The following MACROD1 variants were observed in gnomAD, a reference collection of about 807,000 sequenced individuals.
MACROD1 encodes ADP-ribose glycohydrolase MACROD1.
A neutral mutation model predicts 41.4 loss-of-function variants in MACROD1; 31 were observed. That is an observed-to-expected ratio of 0.75 (90% CI 0.56 to 1.01). MACROD1 has a LOEUF of 1.01. MACROD1 is among the 50% of genes least tolerant of loss of function. MACROD1 has a pLI of 0.00. For synonymous variants in MACROD1, 252 were observed against 203.4 expected, an observed-to-expected ratio of 1.24 and a Z score of -2.03; for missense variants, 473 against 460.0, an observed-to-expected ratio of 1.03 and a Z score of -0.26.
intron 1 of MACROD1, among the ~76,000 whole-genome samples, chr11:64,157,954 G>C (rs1310939796): frequency 6.6e-6 from 1 of 152,180 alleles, no homozygotes; most frequent in South Asian, 2.1e-4. Context: ...GACGGAGCAC[G>C]CAGCACCTTG....
At chr11:64,153,238 G>A (rs1344855351) in intron 1 of MACROD1, among the ~76,000 whole-genome samples, 2 of 152,160 alleles carry the variant, frequency 1.3e-5, no homozygotes, top group African/African-American at 4.8e-5. Context: ...GCAGCTCACG[G>A]GCTCCCCCTG....
At chr11:64,154,052 A>G (rs1328182775) in intron 1 of MACROD1, among the ~76,000 whole-genome samples, 1 of 151,938 alleles carries the variant, frequency 6.6e-6, no homozygotes, top group East Asian at 1.9e-4. Context: ...ACCACACCCC[A>G]TGCAGCGGCC....
At chr11:64,087,370 G>A (rs532381417) in intron 3 of MACROD1, among the ~76,000 whole-genome samples, 7 of 152,206 alleles carry the variant, frequency 4.6e-5, no homozygotes, top group East Asian at 1.9e-4. Context: ...CCCCTGCCAC[G>A]GCTGTAGCCC....
chr11:64,113,375 T>TGGATGGATGGAC (rs1944895671), intron 3 of MACROD1, among the ~76,000 whole-genome samples: 1 of 152,034 alleles, frequency 6.6e-6, no homozygotes, highest in Non-Finnish European at 1.5e-5. Flanking sequence ...GATGGATGGA[T>TGGATGGATGGAC]GGATGGATGG....
chr11:64,148,242 G>A (rs562723903), intron 3 of MACROD1, among the ~76,000 whole-genome samples: 4 of 152,168 alleles, frequency 2.6e-5, no homozygotes, highest in African/African-American at 9.7e-5. Context: ...GGAGGAGGGT[G>A]GGGGGTTGGG....
At chr11:64,073,624 G>A (rs1175918753) in intron 3 of MACROD1, among the ~76,000 whole-genome samples, 2 of 152,206 alleles carry the variant, frequency 1.3e-5, no homozygotes, top group South Asian at 2.1e-4. Context: ...CAGAGCCAGC[G>A]CTGGGGGTGC....
At chr11:64,116,209 C>G in intron 3 of MACROD1, 1 of 1,550,048 alleles carries the variant, frequency 6.5e-7, no homozygotes, top group Non-Finnish European at 8.7e-7. Flanking sequence ...CTGTCCTGTG[C>G]TCCTTGCAGG....
chr11:64,046,890 G>A (rs564711430), intron 3 of MACROD1, among the ~76,000 whole-genome samples: 12 of 152,248 alleles, frequency 7.9e-5, no homozygotes, highest in Admixed American at 2.6e-4. Flanking sequence ...AGATACTGCC[G>A]GACATTTTAA....
chr11:64,028,645 G>A (rs997388226), intron 3 of MACROD1, among the ~76,000 whole-genome samples: 3 of 152,050 alleles, frequency 2.0e-5, no homozygotes, highest in African/African-American at 4.8e-5. Flanking sequence ...CAACCCCATC[G>A]CGCCCCGCCC....
At chr11:64,151,531 G>A (rs553579697) in intron 2 of MACROD1, among the ~76,000 whole-genome samples, 176 bp from the exon 3 acceptor site, 6 of 152,314 alleles carry the variant, frequency 3.9e-5, no homozygotes, top group South Asian at 4.1e-4. Flanking sequence ...CACCTACTGC[G>A]TGCTAAAATC....
At chr11:64,109,696 C>T (rs2134587956) in intron 3 of MACROD1, among the ~76,000 whole-genome samples, 1 of 152,240 alleles carries the variant, frequency 6.6e-6, no homozygotes, top group South Asian at 2.1e-4. Flanking sequence ...TGGTGCGGCC[C>T]CACAGGAGGG....
chr11:64,117,020 A>G, intron 3 of MACROD1: 4 of 1,612,196 alleles, frequency 2.5e-6, no homozygotes, highest in Non-Finnish European at 3.4e-6. Flanking sequence ...AGAACCTCAC[A>G]GAGCTCTCGC....
At chr11:64,035,331 T>A (rs1311727247) in intron 3 of MACROD1, among the ~76,000 whole-genome samples, 1 of 151,824 alleles carries the variant, frequency 6.6e-6, no homozygotes, top group African/African-American at 2.4e-5. Flanking sequence ...AAGGAAGGGG[T>A]TACTTTGGCA....
chr11:63,998,805 C>CA, intron 10 of MACROD1, 33 bp downstream of exon 10: 1 of 1,492,174 alleles, frequency 6.7e-7, no homozygotes, highest in Non-Finnish European at 8.9e-7. Context: ...AGTCTAGGGC[C>CA]GGGGCCGCCG....
chr11:64,000,902 G>C (rs540739394), intron 4 of MACROD1, among the ~76,000 whole-genome samples: 1 of 152,308 alleles, frequency 6.6e-6, no homozygotes, highest in African/African-American at 2.4e-5. Flanking sequence ...CTTGTTACAG[G>C]GTGATCAGAT....
At chr11:64,138,633 G>A (rs757651788) in intron 3 of MACROD1, 20 of 775,632 alleles carry the variant, frequency 2.6e-5, no homozygotes, top group Non-Finnish European at 3.0e-5. Context: ...CCCCAACTGC[G>A]ATGCCGCTCG....
chr11:64,036,997 C>T lies in MACROD1; in HGVS notation c.518-21716G>A, dbSNP rs1943394730. 6.6e-6 allele frequency among the ~76,000 whole-genome samples: 1 copy of T among 152,242 alleles called. No homozygotes were observed. The highest frequency in any genetic ancestry group is 1.5e-5 in the Non-Finnish European group (1 of 68,028). ...GTGGAACAGGGACACCAGGGAGCTG[C>T]CACAGCCTTCCCGGTGGCCCCGGGA... On this transcript the variant is annotated intron_variant, in intron 3 of 10. Transcript: ENST00000255681. This position sits in a 1 kb window ranked among gnomAD's most constrained non-coding sequence, Gnocchi z 5.6.
intron 3 of MACROD1, among the ~76,000 whole-genome samples, chr11:64,106,969 C>T (rs1019445863): frequency 5.9e-5 from 9 of 152,280 alleles, no homozygotes; most frequent in Non-Finnish European, 1.2e-4. Context: ...CTGCAACCTC[C>T]GCCTCCCAGG....
At chr11:64,017,985 T>TGTG (rs1319591987) in intron 3 of MACROD1, among the ~76,000 whole-genome samples, 1 of 152,124 alleles carries the variant, frequency 6.6e-6, no homozygotes, top group Non-Finnish European at 1.5e-5. Context: ...CTCCACTGTG[T>TGTG]GTGGCCTGCA....
Sources: allele counts gnomAD v4.1 joint callset (sites outside exome capture counted in the v4.1 genomes callset), GRCh38; gene constraint gnomAD v4.1.1; non-coding constraint Gnocchi (gnomAD v3.1); transcripts MANE v1.5; gene names NCBI Gene and HGNC (gene_info 2026-07-23, HGNC 2026-07-21).